The following DOCK3 variants were observed in gnomAD, a reference collection of about 807,000 sequenced individuals.
DOCK3 encodes dedicator of cytokinesis 3.
In DOCK3, 60 loss-of-function variants were observed where a neutral mutation model predicts 265.6. That is an observed-to-expected ratio of 0.23 (90% CI 0.18 to 0.28). The LOEUF is 0.28. Ranked by LOEUF, DOCK3 falls within the 10% of genes least tolerant of loss-of-function variation. The probability of loss-of-function intolerance (pLI) is 1.00; values close to 1 mark genes in which losing one functional copy is unlikely to be tolerated. For missense variants in DOCK3, 1,981 were observed against 2,594.3 expected (o/e 0.76, Z 5.14); for synonymous variants, 881 against 938.0 (o/e 0.94, Z 1.11).
At chr3:51,267,969 C>T (rs938255519) in intron 23 of DOCK3, among the ~76,000 whole-genome samples, 1 of 151,922 alleles carries the variant, frequency 6.6e-6, no homozygotes, top group African/African-American at 2.4e-5. Context: ...GGGAGGGGAA[C>T]ATTACACACC....
intron 3 of DOCK3, chr3:50,877,035 C>T (rs140848060): frequency 5.9e-6 from 1 of 170,546 alleles, no homozygotes; most frequent in African/African-American, 2.4e-5. Context: ...TGAGTGTGGT[C>T]CAGGGAAGCC....
intron 36 of DOCK3, 111 bp from the exon 37 acceptor site, chr3:51,338,824 G>C (rs556936673): frequency 3.5e-6 from 3 of 868,490 alleles, no homozygotes; most frequent in Non-Finnish European, 5.6e-6. Flanking sequence ...TCTGCCTCCA[G>C]GGCCTGCCCT....
intron 10 of DOCK3, among the ~76,000 whole-genome samples, chr3:51,150,373 T>C (rs532548043): frequency 2.0e-5 from 3 of 152,342 alleles, no homozygotes; most frequent in Non-Finnish European, 2.9e-5. Flanking sequence ...TCTTGCCTTC[T>C]GCTAGCTTTT....
chr3:51,155,889 G>T (rs1393585120), intron 10 of DOCK3, among the ~76,000 whole-genome samples: 1 of 152,164 alleles, frequency 6.6e-6, no homozygotes, highest in East Asian at 1.9e-4. Context: ...CCGGCAAGGT[G>T]TCAGTAATGA....
intron 1 of DOCK3, among the ~76,000 whole-genome samples, chr3:50,707,454 A>G (rs528477812): frequency 6.6e-6 from 1 of 151,442 alleles, no homozygotes; most frequent in African/African-American, 2.4e-5. Flanking sequence ...AAAAAAAATT[A>G]CCCAGTCCTT....
At chr3:51,087,500 T>C (rs1052964154) in intron 7 of DOCK3, among the ~76,000 whole-genome samples, 1 of 152,158 alleles carries the variant, frequency 6.6e-6, no homozygotes, top group African/African-American at 2.4e-5. Context: ...ATAAAAGCTG[T>C]ATATGACACA....
At chr3:51,265,017 G>A (rs1226098250) in intron 23 of DOCK3, among the ~76,000 whole-genome samples, 2 of 151,902 alleles carry the variant, frequency 1.3e-5, no homozygotes, top group Non-Finnish European at 2.9e-5. Context: ...TGATAAAGGG[G>A]CAATCACCAC....
intron 7 of DOCK3, 69 bp downstream of exon 7, chr3:51,075,509 A>G: frequency 1.5e-6 from 2 of 1,315,282 alleles, no homozygotes; most frequent in Admixed American, 4.8e-5. Flanking sequence ...TATTTTCTCT[A>G]ATGTTATGAA....
chr3:51,123,107 G>A (rs898917218), intron 9 of DOCK3, among the ~76,000 whole-genome samples: 7 of 152,120 alleles, frequency 4.6e-5, no homozygotes, highest in Non-Finnish European at 1.0e-4. Flanking sequence ...CCTGACCAGG[G>A]TGTGGTCAGC....
At chr3:51,268,396 C>A (rs537253605) in intron 23 of DOCK3, among the ~76,000 whole-genome samples, 33 of 152,128 alleles carry the variant, frequency 2.2e-4, no homozygotes, top group Non-Finnish European at 4.3e-4. Context: ...TAGAACAAAT[C>A]AAGAATTCAT....
chr3:50,894,973 G>T (rs943360730), intron 4 of DOCK3, among the ~76,000 whole-genome samples: 1 of 152,042 alleles, frequency 6.6e-6, no homozygotes. Flanking sequence ...ATTCCAAATT[G>T]TTATTCTGAC....
At chr3:51,210,832 T>C (rs953291261) in intron 13 of DOCK3, among the ~76,000 whole-genome samples, 1 of 152,226 alleles carries the variant, frequency 6.6e-6, no homozygotes, top group African/African-American at 2.4e-5. Context: ...TTCCTTCAAG[T>C]CACATAATTT....
intron 9 of DOCK3, among the ~76,000 whole-genome samples, chr3:51,130,871 C>T (rs146594226): frequency 6.6e-6 from 1 of 152,072 alleles, no homozygotes; most frequent in Non-Finnish European, 1.5e-5. Flanking sequence ...CCACACCCAA[C>T]TAATATTTTG....
rs1337993586 is a variant in DOCK3, at chr3:51,312,550, A to G, written c.3168A>G (p.Ser1056=). 2 of 1,592,796 alleles carry G rather than the reference A, an allele frequency of 1.3e-6. No individual in the cohort carries two copies. Among genetic ancestry groups the G allele is most frequent in the Non-Finnish European group, 1.7e-6 (2 of 1,175,052 alleles). Reference sequence around the variant, plus strand: ...GCCTTCAGCTAGAAATTATCACCTCAGCCAAAAGGAAGAAGATTCTAGATA... The same window carrying G: ...GCCTTCAGCTAGAAATTATCACCTCGGCCAAAAGGAAGAAGATTCTAGATA... The part of the protein sequence containing the change: ...QPSLQLEIIT[S]AKRKKILDKY... The change falls in exon 30 of 53, where the codon TCA becomes TCG. Residue 1056 remains serine, a synonymous_variant. Transcript: ENST00000266037.
intron 2 of DOCK3, among the ~76,000 whole-genome samples, chr3:50,800,338 A>G (rs990693450): frequency 1.3e-5 from 2 of 152,142 alleles, no homozygotes; most frequent in African/African-American, 4.8e-5. Flanking sequence ...CTTTGTTGAA[A>G]GACCTTTTAT....
chr3:50,908,536 T>C (rs2049673038), intron 4 of DOCK3, among the ~76,000 whole-genome samples: 1 of 152,030 alleles, frequency 6.6e-6, no homozygotes, highest in Non-Finnish European at 1.5e-5. Flanking sequence ...AGGGTTGGAG[T>C]GAGTGTCTTA....
At chr3:51,255,562 A>G (rs2079501304) in intron 22 of DOCK3, among the ~76,000 whole-genome samples, 1 of 152,098 alleles carries the variant, frequency 6.6e-6, no homozygotes, top group African/African-American at 2.4e-5. Context: ...GGCTTTGTTC[A>G]TTTCTTTTTA....
chr3:51,229,619 C>G lies in DOCK3; in HGVS notation c.1917+10C>G, dbSNP rs1394242254. The G allele has an allele frequency of 6.3e-7, 1 of 1,584,286 alleles. No homozygotes were observed. The highest frequency in any genetic ancestry group is 8.6e-7 in the Non-Finnish European group (1 of 1,165,510). The stretch of plus-strand genomic sequence containing the variant: ...GGAGGAAATTGTTAAGGTATGTCTT[C>G]CATATAATTTAAACATACTGCATGA... On this transcript the variant is annotated intron_variant, in intron 19 of 52. Coordinates refer to ENST00000266037, the MANE Select transcript of DOCK3 (RefSeq NM_004947.5).
At chr3:51,158,565 G>T (rs1448880348) in intron 10 of DOCK3, among the ~76,000 whole-genome samples, 4 of 151,974 alleles carry the variant, frequency 2.6e-5, no homozygotes. Flanking sequence ...AAGAAAGAAA[G>T]AAAGAAAAAG....
Sources: allele counts gnomAD v4.1 joint callset (sites outside exome capture counted in the v4.1 genomes callset), GRCh38; gene constraint gnomAD v4.1.1; transcripts MANE v1.5; gene names NCBI Gene and HGNC (gene_info 2026-07-23, HGNC 2026-07-21).